Variants in CDC14A observed in about 807,000 individuals in gnomAD.
The protein encoded by CDC14A is cell division cycle 14A, also known as dual specificity protein phosphatase CDC14A.
CDC14A carries 53 observed loss-of-function variants against 74.4 expected under a neutral mutation model. The observed-to-expected ratio is 0.71, with a 90% CI of 0.57 to 0.89. The LOEUF (loss-of-function observed/expected upper bound fraction) is 0.89, where lower values mean the gene tolerates loss of function less well. CDC14A is among the 40% of genes least tolerant of loss of function. CDC14A has a pLI of 0.00. For synonymous variants in CDC14A, 247 were observed against 258.4 expected (o/e 0.96, Z 0.43); for missense variants, 646 against 713.7 (o/e 0.91, Z 1.08).
chr1:100,356,718 G>A (rs969861129), intron 2 of CDC14A, among the ~76,000 whole-genome samples: 1 of 152,036 alleles, frequency 6.6e-6, no homozygotes, highest in Admixed American at 6.6e-5. Flanking sequence ...GCTGGGCATG[G>A]TGGCGTGTTC....
intron 2 of CDC14A, among the ~76,000 whole-genome samples, chr1:100,373,823 C>CT (rs1383184282): frequency 6.6e-6 from 1 of 151,710 alleles, no homozygotes; most frequent in Middle Eastern, 3.2e-3. Context: ...TATTATTATA[C>CT]TTTAAGTTTT....
intron 12 of CDC14A, among the ~76,000 whole-genome samples, chr1:100,495,731 A>G (rs907173996): frequency 4.6e-5 from 7 of 152,202 alleles, no homozygotes; most frequent in Admixed American, 4.6e-4. Context: ...GGGAGAAACT[A>G]TAACACTGTA....
At chr1:100,449,328 A>G (rs1300651021) in intron 7 of CDC14A, among the ~76,000 whole-genome samples, 3 of 152,146 alleles carry the variant, frequency 2.0e-5, no homozygotes, top group Non-Finnish European at 2.9e-5. Flanking sequence ...AAGTCTGATT[A>G]TATCATTCCC....
chr1:100,511,247 CT>C (rs1362376269), intron 15 of CDC14A, among the ~76,000 whole-genome samples: 1 of 152,182 alleles, frequency 6.6e-6, no homozygotes, highest in Non-Finnish European at 1.5e-5. Flanking sequence ...TCCCTTGGCC[CT>C]GTCTTCCTCT....
At chr1:100,358,278 C>T (rs1008957514) in intron 2 of CDC14A, among the ~76,000 whole-genome samples, 4 of 152,142 alleles carry the variant, frequency 2.6e-5, no homozygotes, top group South Asian at 2.1e-4. Flanking sequence ...AATTGGGCCC[C>T]GTAATCCAAA....
intron 15 of CDC14A, among the ~76,000 whole-genome samples, chr1:100,500,466 C>T (rs1163720382): frequency 6.6e-6 from 1 of 152,088 alleles, no homozygotes; most frequent in Non-Finnish European, 1.5e-5. Flanking sequence ...GTTTAGAAAC[C>T]ATGAGGATGG....
intron 7 of CDC14A, among the ~76,000 whole-genome samples, chr1:100,445,773 A>G (rs1557767940): frequency 6.6e-6 from 1 of 152,212 alleles, no homozygotes; most frequent in Admixed American, 6.5e-5. Flanking sequence ...CCTTGACAAC[A>G]ACCATCTAGG....
intron 9 of CDC14A, among the ~76,000 whole-genome samples, chr1:100,466,761 T>TC (rs950964585): frequency 6.6e-6 from 1 of 151,070 alleles, no homozygotes; most frequent in African/African-American, 2.4e-5. Context: ...TCCCAGCTAC[T>TC]CGGGAGGCTA....
intron 3 of CDC14A, among the ~76,000 whole-genome samples, chr1:100,382,135 T>C (rs1384232072): frequency 6.6e-6 from 1 of 151,672 alleles, no homozygotes; most frequent in African/African-American, 2.4e-5. Context: ...TGGGCTAAAG[T>C]CTTCTGAAAA....
At chr1:100,371,920 A>G (rs1570981876) in intron 2 of CDC14A, among the ~76,000 whole-genome samples, 1 of 152,230 alleles carries the variant, frequency 6.6e-6, no homozygotes, top group African/African-American at 2.4e-5. Context: ...ACCTTAATCA[A>G]TACTGGTAGA....
chr1:100,448,526 TG>T (rs1665797841), intron 7 of CDC14A, among the ~76,000 whole-genome samples: 1 of 152,244 alleles, frequency 6.6e-6, no homozygotes, highest in Non-Finnish European at 1.5e-5. Context: ...TTTTTCATCA[TG>T]GCATATGGAG....
chr1:100,472,890 A>G (rs1244197155), intron 10 of CDC14A, among the ~76,000 whole-genome samples: 2 of 151,662 alleles, frequency 1.3e-5, no homozygotes, highest in Admixed American at 6.6e-5. Flanking sequence ...GTGTTGATCT[A>G]TTTCTTTGTT....
At chr1:100,487,167 C>A (rs926122722) in intron 11 of CDC14A, among the ~76,000 whole-genome samples, 19 of 152,108 alleles carry the variant, frequency 1.2e-4, no homozygotes, top group African/African-American at 4.6e-4. Flanking sequence ...AGATTAAAAG[C>A]AGAGATTCTA....
At chr1:100,412,723 T>TATATATATTTATATATATATATATATATA (rs1491148182) in intron 4 of CDC14A, among the ~76,000 whole-genome samples, 1 of 83,764 alleles carries the variant, frequency 1.2e-5, no homozygotes, top group African/African-American at 1.0e-4. Context: ...TATATATATA[T>TATATATATTTATATATATATATATATATA]TTTATATATA....
chr1:100,488,053 A>G (rs745661868), intron 11 of CDC14A, among the ~76,000 whole-genome samples: 3 of 152,266 alleles, frequency 2.0e-5, no homozygotes, highest in Admixed American at 6.5e-5. Context: ...TCTAAGCTAC[A>G]CAAGTGCATT....
chr1:100,441,180 T>A (rs1413774764), intron 6 of CDC14A, among the ~76,000 whole-genome samples: 3 of 152,228 alleles, frequency 2.0e-5, no homozygotes, highest in Non-Finnish European at 4.4e-5. Flanking sequence ...TGCCTGTAAT[T>A]ATGGTAATTA....
chr1:100,427,052 C>A (rs1663045958), intron 5 of CDC14A, among the ~76,000 whole-genome samples: 1 of 152,098 alleles, frequency 6.6e-6, no homozygotes, highest in African/African-American at 2.4e-5. Flanking sequence ...GGACTTCTAT[C>A]AAGAATCATC....
chr1:100,439,907 A>G, intron 5 of CDC14A, 25 bp from the exon 6 acceptor site: 2 of 1,551,034 alleles, frequency 1.3e-6, no homozygotes, highest in Non-Finnish European at 8.9e-7. Flanking sequence ...CAAGTTTTTA[A>G]TGTTGAGTTT....
intron 10 of CDC14A, 127 bp from the exon 11 acceptor site, chr1:100,484,165 G>A: frequency 1.9e-6 from 1 of 519,876 alleles, no homozygotes; most frequent in Admixed American, 4.0e-5. Flanking sequence ...AATCTTTCTA[G>A]TCTGATTTGT....
Sources: gnomAD v4.1 joint callset for allele counts (sites outside exome capture counted in the v4.1 genomes callset) on GRCh38, gnomAD v4.1.1 for gene constraint, MANE v1.5 for transcripts, NCBI Gene and HGNC (gene_info 2026-07-23, HGNC 2026-07-21) for gene names.